The following CDK8 variants were observed in gnomAD, a reference collection of about 807,000 sequenced individuals.
CDK8 encodes the protein cyclin-dependent kinase 8.
Under a neutral mutation model 71.5 loss-of-function variants are expected in CDK8, and 29 were observed. The ratio of observed to expected loss-of-function variants is 0.41; its 90% CI spans 0.30 to 0.55. The LOEUF (loss-of-function observed/expected upper bound fraction) is 0.55, where lower values mean the gene tolerates loss of function less well. CDK8 is among the 20% of genes least tolerant of loss of function. The pLI is 0.37. For synonymous variants in CDK8, 161 were observed against 192.1 expected (o/e 0.84, Z 1.34); for missense variants, 288 against 572.6 (o/e 0.50, Z 5.07).
intron 1 of CDK8, among the ~76,000 whole-genome samples, chr13:26,322,692 T>C (rs1490085242): frequency 6.6e-6 from 1 of 152,196 alleles, no homozygotes; most frequent in African/African-American, 2.4e-5. Context: ...ATTTATAGTT[T>C]TGGTACTTAT....
chr13:26,378,148 C>T (rs1465647373), intron 4 of CDK8, among the ~76,000 whole-genome samples: 1 of 152,170 alleles, frequency 6.6e-6, no homozygotes, highest in Non-Finnish European at 1.5e-5. Context: ...GATGTGCCAC[C>T]ATTCTCCACT....
intron 4 of CDK8, among the ~76,000 whole-genome samples, chr13:26,374,689 A>G (rs1874863623): frequency 1.3e-5 from 2 of 152,312 alleles, no homozygotes; most frequent in South Asian, 4.1e-4. Flanking sequence ...AGAGTAAGTC[A>G]TATGATTACC....
chr13:26,401,417 A>G lies in CDK8; in HGVS notation c.1111-49A>G, dbSNP rs1203505695. On this transcript the variant is annotated intron_variant, in intron 11 of 12. Coordinates refer to ENST00000381527, the MANE Select transcript of CDK8 (RefSeq NM_001260.3). This position sits in a 1 kb window ranked among gnomAD's most constrained non-coding sequence, Gnocchi z 4.5. ...CTCCATAACATTTTCCATTGTGGGT[A>G]TATTTTGTTCTCCCTCTGAGCTGAA... 7 of 1,613,222 alleles carry G rather than the reference A, an allele frequency of 4.3e-6. No homozygotes were observed. In the Admixed American group the frequency reaches 8.3e-5, roughly 19 times the overall value.
chr13:26,345,714 A>G (rs1387398338), intron 2 of CDK8, among the ~76,000 whole-genome samples: 1 of 152,190 alleles, frequency 6.6e-6, no homozygotes, highest in Non-Finnish European at 1.5e-5. Flanking sequence ...AAATTTTAGT[A>G]AAACACAGTA....
chr13:26,374,347 A>C (rs1468674625), intron 4 of CDK8, among the ~76,000 whole-genome samples: 2 of 152,290 alleles, frequency 1.3e-5, no homozygotes, highest in South Asian at 2.1e-4. Flanking sequence ...TGTTATTATT[A>C]CTTGTATATT....
chr13:26,339,362 C>A (rs1212069141), intron 2 of CDK8, among the ~76,000 whole-genome samples: 1 of 151,980 alleles, frequency 6.6e-6, no homozygotes, highest in Non-Finnish European at 1.5e-5. Context: ...TGGAAAACAT[C>A]CTTTGCCATA....
chr13:26,267,245 T>A (rs1423698839), intron 1 of CDK8, among the ~76,000 whole-genome samples: 1 of 152,250 alleles, frequency 6.6e-6, no homozygotes, highest in Non-Finnish European at 1.5e-5. Context: ...TCAGTAAATA[T>A]GCGTGCAGTT....
At chr13:26,310,582 C>T (rs146651554) in intron 1 of CDK8, among the ~76,000 whole-genome samples, 9 of 152,160 alleles carry the variant, frequency 5.9e-5, no homozygotes, top group Middle Eastern at 6.8e-3. Flanking sequence ...CAATAGGGTC[C>T]GTTCTCCTAT....
At chr13:26,355,065 C>A (rs1046681775) in intron 4 of CDK8, among the ~76,000 whole-genome samples, 2 of 152,214 alleles carry the variant, frequency 1.3e-5, no homozygotes, top group African/African-American at 4.8e-5. Flanking sequence ...CATCTGGTCT[C>A]TCGCAAAGAT....
chr13:26,333,350 G>C (rs1872842814), intron 1 of CDK8, among the ~76,000 whole-genome samples: 1 of 152,044 alleles, frequency 6.6e-6, no homozygotes, highest in African/African-American at 2.4e-5. Flanking sequence ...ATGCTGTCTA[G>C]GCTGGCCTTG....
intron 1 of CDK8, among the ~76,000 whole-genome samples, chr13:26,297,421 A>G (rs561764129): frequency 3.9e-5 from 6 of 152,316 alleles, no homozygotes; most frequent in African/African-American, 9.6e-5. Flanking sequence ...ACCTTGTTCT[A>G]TGGATCTTGG....
At chr13:26,302,663 G>A (rs1308368549) in intron 1 of CDK8, among the ~76,000 whole-genome samples, 4 of 152,172 alleles carry the variant, frequency 2.6e-5, no homozygotes, top group African/African-American at 9.7e-5. Context: ...CAAGTCTGGA[G>A]ACAAGAAATA....
At chr13:26,269,470 C>T (rs1380226159) in intron 1 of CDK8, among the ~76,000 whole-genome samples, 4 of 152,012 alleles carry the variant, frequency 2.6e-5, no homozygotes, top group Non-Finnish European at 5.9e-5. Flanking sequence ...AAGCTAAATT[C>T]GGAAGTAAGT....
chr13:26,361,232 C>A (rs567932531), intron 4 of CDK8, among the ~76,000 whole-genome samples: 7 of 152,122 alleles, frequency 4.6e-5, no homozygotes, highest in Non-Finnish European at 8.8e-5. Flanking sequence ...GATGGCAATG[C>A]CTACCTTCTT....
chr13:26,373,693 TATAAAATACTGGAA>T lies in CDK8; in HGVS notation c.457-9111_457-9098del, dbSNP rs534638572. ...TTCAGTGTTACAGACAAAAGCAGAC[TATAAAATACTGGAA>T]ATAAAATACAGTGTAAATATATCAA... On this transcript the variant is annotated intron_variant, in intron 4 of 12. Transcript: ENST00000381527. 1.1e-4 allele frequency among the ~76,000 whole-genome samples: 17 copies of T among 152,246 alleles called. No homozygotes were observed. The East Asian group carries it at 3.3e-3, about 29-fold the overall frequency.
intron 1 of CDK8, among the ~76,000 whole-genome samples, chr13:26,255,093 T>G (rs1169801418): frequency 7.2e-6 from 1 of 138,126 alleles, no homozygotes; most frequent in Non-Finnish European, 1.5e-5. Context: ...ATGTTTTTTG[T>G]TTTTTTTTTT....
At chr13:26,365,473 T>C (rs1481671896) in intron 4 of CDK8, among the ~76,000 whole-genome samples, 1 of 152,156 alleles carries the variant, frequency 6.6e-6, no homozygotes, top group Non-Finnish European at 1.5e-5. Flanking sequence ...TATATGTTTA[T>C]ATGGGTAGGT....
At chr13:26,316,050 G>A (rs1476540191) in intron 1 of CDK8, among the ~76,000 whole-genome samples, 1 of 152,160 alleles carries the variant, frequency 6.6e-6, no homozygotes, top group Non-Finnish European at 1.5e-5. Context: ...ATCACTGATT[G>A]TTACTTCTGA....
chr13:26,274,433 C>G (rs1243453063), intron 1 of CDK8, among the ~76,000 whole-genome samples: 1 of 150,336 alleles, frequency 6.7e-6, no homozygotes, highest in East Asian at 1.9e-4. Flanking sequence ...TGTTTTCTTT[C>G]TTTCTTTTTT....
Sources: gnomAD v4.1 joint callset for allele counts (sites outside exome capture counted in the v4.1 genomes callset) on GRCh38, gnomAD v4.1.1 for gene constraint, Gnocchi (gnomAD v3.1) non-coding constraint, MANE v1.5 for transcripts, NCBI Gene and HGNC (gene_info 2026-07-23, HGNC 2026-07-21) for gene names.